SMG6: variants seen among roughly 807,000 people sequenced by gnomAD.
SMG6 encodes the protein telomerase-binding protein EST1A.
In SMG6, 66 loss-of-function variants were observed where a neutral mutation model predicts 142.2. The observed-to-expected ratio is 0.46, with a 90% CI of 0.38 to 0.57. The LOEUF (loss-of-function observed/expected upper bound fraction) is 0.57, where lower values mean the gene tolerates loss of function less well. Among genes scored for constraint, SMG6 ranks in the 20% least tolerant of loss-of-function variants. SMG6 has a pLI of 0.00. For synonymous variants in SMG6, 779 were observed against 702.4 expected, an observed-to-expected ratio of 1.11 and a Z score of -1.72; for missense variants, 1,793 against 1,832.0, an observed-to-expected ratio of 0.98 and a Z score of 0.39.
intron 13 of SMG6, among the ~76,000 whole-genome samples, chr17:2,086,460 C>A (rs1369908176): frequency 6.6e-6 from 1 of 152,146 alleles, no homozygotes; most frequent in East Asian, 1.9e-4. Context: ...TCTAAGAGCT[C>A]CTCATGCTCA....
At chr17:2,242,125 G>T (rs1024352331) in intron 9 of SMG6, among the ~76,000 whole-genome samples, 1 of 151,930 alleles carries the variant, frequency 6.6e-6, no homozygotes, top group African/African-American at 2.4e-5. Context: ...ACATGGTACG[G>T]GAAAATTTAA....
intron 10 of SMG6, among the ~76,000 whole-genome samples, chr17:2,236,238 C>T (rs2073647835): frequency 6.6e-6 from 1 of 152,128 alleles, no homozygotes; most frequent in South Asian, 2.1e-4. Flanking sequence ...AGATGTGCAA[C>T]TGCATCTCTG....
Position 2,091,455 on chromosome 17 carries a change from G to C in SMG6, c.3358-5554C>G, listed in dbSNP as rs553754772. Among the ~76,000 whole-genome samples the C allele has an allele frequency of 1.3e-4, 20 of 152,278 alleles. 1 individual carries two copies. Among genetic ancestry groups the C allele is most frequent in the Non-Finnish European group, 2.5e-4 (17 of 68,028 alleles). ...TTGAGAAAGAGGCTCATGGGTCAGA[G>C]AGGAGGGAAAGAAAGAACCTGTGCA... On this transcript the variant is annotated intron_variant, in intron 13 of 18. Coordinates refer to ENST00000263073, the MANE Select transcript of SMG6 (RefSeq NM_017575.5).
At chr17:2,274,114 C>T (rs1319406731) in intron 8 of SMG6, among the ~76,000 whole-genome samples, 1 of 152,248 alleles carries the variant, frequency 6.6e-6, no homozygotes, top group African/African-American at 2.4e-5. Context: ...CAGTCATGCT[C>T]ATTCATTTAC....
chr17:2,214,325 A>G (rs1332717736), intron 10 of SMG6: 4 of 151,460 alleles, frequency 2.6e-5, no homozygotes, highest in Non-Finnish European at 4.4e-5. Context: ...ACCAGCAAAG[A>G]AACAGCAATC....
chr17:2,201,361 G>A (rs1303489540), intron 10 of SMG6, among the ~76,000 whole-genome samples: 1 of 152,128 alleles, frequency 6.6e-6, no homozygotes, highest in Non-Finnish European at 1.5e-5. Context: ...CATTGGAGAG[G>A]ATATCAAGTA....
Position 2,282,595 on chromosome 17 carries a change from A to T in SMG6, c.2661+52T>A. 2.5e-6 allele frequency: 4 copies of T among 1,579,176 alleles called. No individual in the cohort carries two copies. In the South Asian group the frequency reaches 4.4e-5, roughly 18 times the overall value. ...GCCTCACAGCTGTATGAACCAGGGC[A>T]CCCAGGCTTACTGAGCTAGTTTGGC... On this transcript the variant is annotated intron_variant, in intron 8 of 18. Coordinates refer to ENST00000263073, the MANE Select transcript of SMG6 (RefSeq NM_017575.5).
intron 8 of SMG6, among the ~76,000 whole-genome samples, chr17:2,263,090 C>T (rs971552856): frequency 6.6e-6 from 1 of 152,120 alleles, no homozygotes; most frequent in Non-Finnish European, 1.5e-5. Flanking sequence ...AGTAAGGTCA[C>T]GACCGAAGAT....
intron 13 of SMG6, among the ~76,000 whole-genome samples, chr17:2,146,726 C>G (rs1027048002): frequency 6.6e-6 from 1 of 152,060 alleles, no homozygotes; most frequent in African/African-American, 2.4e-5. Flanking sequence ...CTGCCACGCC[C>G]GGCTAAGTTT....
At chr17:2,088,751 G>T in intron 13 of SMG6, 1 of 985,186 alleles carries the variant, frequency 1.0e-6, no homozygotes, top group Non-Finnish European at 1.2e-6. Context: ...AAACTGAGAG[G>T]CAGAATGTCC....
intron 2 of SMG6, 35 bp from the exon 3 acceptor site, chr17:2,298,090 T>C (rs372704922): frequency 3.9e-6 from 6 of 1,557,556 alleles, no homozygotes; most frequent in South Asian, 2.4e-5. Flanking sequence ...CAGCTCCAAA[T>C]ACACCACAGA....
chr17:2,094,937 A>G (rs1419314277), intron 13 of SMG6: 6 of 152,384 alleles, frequency 3.9e-5, no homozygotes, highest in Non-Finnish European at 8.8e-5. Context: ...AGAAAGGTAC[A>G]TTCTCAGCGG....
chr17:2,155,789 T>C (rs143411227), intron 13 of SMG6, among the ~76,000 whole-genome samples: 1 of 152,184 alleles, frequency 6.6e-6, no homozygotes, highest in Non-Finnish European at 1.5e-5. Flanking sequence ...AGAGAAAAGG[T>C]CTTTTCATTT....
intron 13 of SMG6, among the ~76,000 whole-genome samples, chr17:2,135,159 C>T (rs372286337): frequency 6.6e-6 from 1 of 152,190 alleles, no homozygotes; most frequent in African/African-American, 2.4e-5. Context: ...GGATTACAGG[C>T]ATGAGCCACT....
intron 13 of SMG6, chr17:2,087,998 G>C: frequency 1.1e-5 from 11 of 985,834 alleles, no homozygotes; most frequent in Non-Finnish European, 1.3e-5. Context: ...CCTTCTTGGT[G>C]TGAGGCTGCT....
chr17:2,187,413 A>T (rs1230815690), intron 11 of SMG6, among the ~76,000 whole-genome samples: 4 of 152,154 alleles, frequency 2.6e-5, no homozygotes, highest in African/African-American at 9.7e-5. Flanking sequence ...GCACAAACTA[A>T]GTAAGGTCTG....
rs1370579400 is a variant in SMG6, at chr17:2,153,761, ACGG to A, written c.3357+18894_3357+18896del. On this transcript the variant is annotated intron_variant, in intron 13 of 18. Coordinates refer to ENST00000263073, the MANE Select transcript of SMG6 (RefSeq NM_017575.5). ...AACCTGGGGATGCATCTAGAGTGTGACGGTGACTGGGAAACCTGGGGATGCACG... is the reference window on the plus strand; with the variant it reads ...AACCTGGGGATGCATCTAGAGTGTGATGACTGGGAAACCTGGGGATGCACG... 7.3e-5 allele frequency among the ~76,000 whole-genome samples: 8 copies of A among 109,128 alleles called. No individual in the cohort carries two copies. In the South Asian group the frequency reaches 2.3e-3, roughly 31 times the overall value. The allele number at this position is 109,128 out of a possible 152,430, so 71.6% of individuals were successfully genotyped here.
chr17:2,227,247 A>G (rs1330705414), intron 10 of SMG6, among the ~76,000 whole-genome samples: 1 of 152,208 alleles, frequency 6.6e-6, no homozygotes, highest in African/African-American at 2.4e-5. Context: ...AGAAATGAAA[A>G]CACGTCCACA....
rs562608627 is a variant in SMG6 at position 2,240,824 on chromosome 17, G to GA, written c.2723+3833dup. Among the ~76,000 whole-genome samples, 36 of 152,340 alleles carry GA rather than the reference G, an allele frequency of 2.4e-4. No homozygotes were observed. The South Asian group carries it at 5.2e-3, about 22-fold the overall frequency. On this transcript the variant is annotated intron_variant, in intron 9 of 18. Coordinates refer to ENST00000263073, the MANE Select transcript of SMG6 (RefSeq NM_017575.5). ...CGAGCTTTTCCGAAAGGGCAGGCGG[G>GA]AGAGTGATGTGCCTTCAGCTGCTCC...
Sources: allele counts gnomAD v4.1 joint callset (sites outside exome capture counted in the v4.1 genomes callset), GRCh38; gene constraint gnomAD v4.1.1; transcripts MANE v1.5; gene names NCBI Gene and HGNC (gene_info 2026-07-23, HGNC 2026-07-21).